CCDC178: variants seen among roughly 807,000 people sequenced by gnomAD.
The protein encoded by CCDC178 is coiled-coil domain containing 178, also known as coiled-coil domain-containing protein 178.
Under a neutral mutation model 117.4 loss-of-function variants are expected in CCDC178, and 126 were observed. The observed-to-expected ratio is 1.07, with a 90% CI of 0.93 to 1.24. The LOEUF (loss-of-function observed/expected upper bound fraction) is 1.24, where lower values mean the gene tolerates loss of function less well. CCDC178 is among the 50% of genes most tolerant of loss of function. The pLI, the probability that CCDC178 is intolerant of heterozygous loss-of-function variation, is 0.00. For synonymous variants in CCDC178, 283 were observed against 313.4 expected, an observed-to-expected ratio of 0.90 and a Z score of 1.02; for missense variants, 1,030 against 986.9, an observed-to-expected ratio of 1.04 and a Z score of -0.59.
At chr18:33,355,375 A>C (rs963918683) in intron 7 of CCDC178, among the ~76,000 whole-genome samples, 2 of 152,174 alleles carry the variant, frequency 1.3e-5, no homozygotes, top group African/African-American at 4.8e-5. Flanking sequence ...AGTTCACTTA[A>C]ATGGCTGGCA....
At chr18:33,014,457 G>A (rs919704844) in intron 21 of CCDC178, among the ~76,000 whole-genome samples, 2 of 152,204 alleles carry the variant, frequency 1.3e-5, no homozygotes, top group Non-Finnish European at 2.9e-5. Flanking sequence ...TGTCTTTAAA[G>A]GGTCTTTGAA....
chr18:33,176,872 A>G (rs1723993728), intron 20 of CCDC178, among the ~76,000 whole-genome samples: 1 of 152,200 alleles, frequency 6.6e-6, no homozygotes, highest in South Asian at 2.1e-4. Context: ...TTCAAGGTCT[A>G]TAAGTGAATC....
At chr18:33,254,874 T>C (rs1168855194) in intron 14 of CCDC178, among the ~76,000 whole-genome samples, 3 of 152,020 alleles carry the variant, frequency 2.0e-5, no homozygotes, top group Non-Finnish European at 4.4e-5. Flanking sequence ...GGTTTGGAGA[T>C]AGTTTGTTTG....
At chr18:33,418,979 A>T (rs961549251) in intron 2 of CCDC178, among the ~76,000 whole-genome samples, 11 of 152,156 alleles carry the variant, frequency 7.2e-5, no homozygotes, top group Non-Finnish European at 1.5e-4. Context: ...GAATTAGAAA[A>T]CAACTATGCT....
chr18:33,159,691 C>A (rs2058440579), intron 20 of CCDC178, among the ~76,000 whole-genome samples: 1 of 152,016 alleles, frequency 6.6e-6, no homozygotes, highest in African/African-American at 2.4e-5. Flanking sequence ...TCTTTAGAGT[C>A]CTTTTTTCCA....
At chr18:33,221,878 A>ATT (rs1286229294) in intron 18 of CCDC178, among the ~76,000 whole-genome samples, 3 of 152,102 alleles carry the variant, frequency 2.0e-5, no homozygotes, top group Admixed American at 6.6e-5. Context: ...CTTTCTAAGA[A>ATT]CAAAATCTTA....
chr18:33,385,324 A>G (rs1388909294), intron 5 of CCDC178, among the ~76,000 whole-genome samples: 1 of 152,208 alleles, frequency 6.6e-6, no homozygotes, highest in Non-Finnish European at 1.5e-5. Context: ...GAAAATTAAC[A>G]AAGATATCCA....
chr18:33,157,682 T>A (rs1195160788), intron 20 of CCDC178, among the ~76,000 whole-genome samples: 1 of 152,154 alleles, frequency 6.6e-6, no homozygotes, highest in Non-Finnish European at 1.5e-5. Context: ...TATTCTTGAG[T>A]CATTACTCTG....
At chr18:33,055,438 C>T (rs559582585) in intron 21 of CCDC178, among the ~76,000 whole-genome samples, 71 of 150,822 alleles carry the variant, frequency 4.7e-4, no homozygotes, top group Admixed American at 1.6e-3. Flanking sequence ...CTGGGATCAA[C>T]GGTTCCTCCC....
chr18:33,392,747 A>C (rs1038543818), intron 4 of CCDC178, among the ~76,000 whole-genome samples: 1 of 152,182 alleles, frequency 6.6e-6, no homozygotes, highest in East Asian at 1.9e-4. Context: ...CTGTAGTCCC[A>C]GTTACTCCAG....
chr18:33,395,846 T>C (rs1022826977), intron 4 of CCDC178, among the ~76,000 whole-genome samples: 2 of 152,086 alleles, frequency 1.3e-5, no homozygotes, highest in Non-Finnish European at 2.9e-5. Flanking sequence ...TCCAGGTGGA[T>C]TGAAAATCTA....
intron 12 of CCDC178, among the ~76,000 whole-genome samples, chr18:33,276,848 A>G (rs1316163120): frequency 6.6e-6 from 1 of 152,152 alleles, no homozygotes; most frequent in Admixed American, 6.5e-5. Context: ...ATAGATAATG[A>G]GAGAAATATT....
chr18:33,165,075 C>G (rs901343540), intron 20 of CCDC178, among the ~76,000 whole-genome samples: 5 of 152,122 alleles, frequency 3.3e-5, no homozygotes, highest in Admixed American at 6.5e-5. Flanking sequence ...TTTGGAAGGA[C>G]GTCAAGCTCT....
At chr18:33,398,653 A>G (rs1317287602) in intron 3 of CCDC178, among the ~76,000 whole-genome samples, 1 of 152,168 alleles carries the variant, frequency 6.6e-6, no homozygotes, top group Non-Finnish European at 1.5e-5. Flanking sequence ...TTGCTGAATG[A>G]AAAATACAGT....
At chr18:33,088,750 T>G (rs150734630) in intron 21 of CCDC178, among the ~76,000 whole-genome samples, 484 of 152,204 alleles carry the variant, frequency 3.2e-3, no homozygotes, top group Non-Finnish European at 5.7e-3. Context: ...CCCAAATCAT[T>G]TAAAAGAGAT....
At chr18:33,228,354 A>G (rs1334243988) in intron 15 of CCDC178, among the ~76,000 whole-genome samples, 1 of 152,140 alleles carries the variant, frequency 6.6e-6, no homozygotes, top group African/African-American at 2.4e-5. Context: ...ACTAGTGAGA[A>G]AGCAAGTTAT....
chr18:33,083,582 T>A (rs1456318153), intron 21 of CCDC178, among the ~76,000 whole-genome samples: 1 of 152,220 alleles, frequency 6.6e-6, no homozygotes, highest in East Asian at 1.9e-4. Flanking sequence ...CTCTCCCTTT[T>A]ATTTATCAAC....
intron 22 of CCDC178, among the ~76,000 whole-genome samples, chr18:32,957,498 G>A (rs1192944388): frequency 6.6e-6 from 1 of 152,042 alleles, no homozygotes; most frequent in Non-Finnish European, 1.5e-5. Context: ...TATAGGTCAG[G>A]GGCAAACGAT....
intron 22 of CCDC178, among the ~76,000 whole-genome samples, chr18:32,958,617 T>C (rs142606504): frequency 0.016 from 2,455 of 152,278 alleles, 41 homozygotes; most frequent in Non-Finnish European, 0.02. Flanking sequence ...TGTAAAGTGA[T>C]AGATGTTTGA....
Sources: gnomAD v4.1 joint callset for allele counts (sites outside exome capture counted in the v4.1 genomes callset) on GRCh38, gnomAD v4.1.1 for gene constraint, MANE v1.5 for transcripts, NCBI Gene and HGNC (gene_info 2026-07-23, HGNC 2026-07-21) for gene names.